The following SNX29 variants were observed in gnomAD, a reference collection of about 807,000 sequenced individuals.
SNX29 encodes sorting nexin-29.
In SNX29, 78 loss-of-function variants were observed where a neutral mutation model predicts 102.1. The observed-to-expected ratio is 0.76, with a 90% confidence interval of 0.64 to 0.92. The LOEUF (loss-of-function observed/expected upper bound fraction) is 0.92. Among genes scored for constraint, SNX29 ranks in the 40% least tolerant of loss-of-function variants. The probability of loss-of-function intolerance (pLI) is 0.00; values close to 1 mark genes in which losing one functional copy is unlikely to be tolerated. For missense variants in SNX29, 1,280 were observed against 1,061.7 expected (o/e 1.21, Z -2.86); for synonymous variants, 580 against 414.5 (o/e 1.40, Z -4.85).
At chr16:12,463,975 A>G (rs768437518) in intron 18 of SNX29, among the ~76,000 whole-genome samples, 1 of 152,148 alleles carries the variant, frequency 6.6e-6, no homozygotes, top group Non-Finnish European at 1.5e-5. Flanking sequence ...AGAGAAAGTT[A>G]TAAGATGTAC....
intron 14 of SNX29, among the ~76,000 whole-genome samples, chr16:12,223,062 C>T (rs1596549467): frequency 6.6e-6 from 1 of 152,212 alleles, no homozygotes; most frequent in African/African-American, 2.4e-5. Context: ...CCTTTTGACA[C>T]TAGTGATCTG....
intron 15 of SNX29, among the ~76,000 whole-genome samples, chr16:12,279,815 C>T (rs1567391400): frequency 6.6e-6 from 1 of 152,184 alleles, no homozygotes. Context: ...TGAATGAAGG[C>T]CTGATGAGCT....
chr16:12,421,203 CAAG>C (rs2084859143), intron 18 of SNX29, among the ~76,000 whole-genome samples: 1 of 152,156 alleles, frequency 6.6e-6, no homozygotes, highest in African/African-American at 2.4e-5. Flanking sequence ...ACTGAGAAGC[CAAG>C]CCAGCAGCCA....
chr16:12,408,171 AACAAAC>A (rs1178871689), intron 18 of SNX29, among the ~76,000 whole-genome samples: 34 of 150,272 alleles, frequency 2.3e-4, no homozygotes, highest in African/African-American at 7.3e-4. Flanking sequence ...AAAACAAACA[AACAAAC>A]AAAAAAAAAA....
chr16:12,498,748 G>A (rs2088956429), intron 19 of SNX29, among the ~76,000 whole-genome samples: 1 of 152,198 alleles, frequency 6.6e-6, no homozygotes, highest in Non-Finnish European at 1.5e-5. Flanking sequence ...GTCATAGGAG[G>A]CATTAACTTA....
Position 12,568,542 on chromosome 16 carries a change from G to T in SNX29, c.2355G>T (p.Arg785=). ...CGCCCGGAGAGCCTGTGAACAGCCG[G>T]CCCAAAGCAGCTTCCCGCTTCCCCA... ...ITPPGEPVNS[R]PKAASRFPKL... is the part of the protein sequence containing the mutation. Residue 785 remains arginine, a synonymous_variant, in exon 21 of 21, where the codon CGG becomes CGT. Transcript: ENST00000566228. The T allele has an allele frequency of 1.2e-6, 2 of 1,609,496 alleles. No homozygotes were observed.
intron 20 of SNX29, among the ~76,000 whole-genome samples, chr16:12,562,970 G>A (rs1039143960): frequency 1.7e-5 from 2 of 117,694 alleles, no homozygotes; most frequent in African/African-American, 3.7e-5. Context: ...AACACAAGGG[G>A]TGAGGGCTGA....
intron 16 of SNX29, chr16:12,374,285 C>T (rs1009499074): frequency 3.3e-5 from 3 of 91,538 alleles, no homozygotes; most frequent in Non-Finnish European, 7.2e-5. Context: ...CTCACACAGT[C>T]TGCAGCCTGG....
In SNX29 at chr16:12,568,814, T is replaced by C. The variant is rs2079121576; in HGVS notation, c.*185T>C. 1 of 957,728 alleles carries C rather than the reference T, an allele frequency of 1.0e-6. No homozygotes were observed. Among genetic ancestry groups the C allele is most frequent in the East Asian group, 2.7e-5 (1 of 37,102 alleles). The allele number at this position is 957,728 out of a possible 1,614,324, so 59.3% of individuals were successfully genotyped here. A position where few individuals can be genotyped will look rare whatever the true frequency, so the allele number is the denominator to read the frequency against. ...TCAGTCTTCGAGCCGCATGATACCG[T>C]GACCCGAGAGACCAAGGCAGCACCT... On this transcript the variant is annotated 3_prime_UTR_variant, in exon 21 of 21. Transcript: ENST00000566228.
At chr16:12,039,886 T>C (rs1447171065) in intron 4 of SNX29, among the ~76,000 whole-genome samples, 1 of 152,216 alleles carries the variant, frequency 6.6e-6, no homozygotes, top group Admixed American at 6.5e-5. Flanking sequence ...GGCGATGGCC[T>C]TGGTTGTGAT....
intron 20 of SNX29, among the ~76,000 whole-genome samples, chr16:12,544,447 A>AC (rs1380725532): frequency 2.0e-5 from 3 of 151,710 alleles, no homozygotes; most frequent in Admixed American, 1.3e-4. Context: ...CTCTTTCTCT[A>AC]CCCTATCTCA....
intron 13 of SNX29, among the ~76,000 whole-genome samples, chr16:12,149,001 C>T (rs1416261122): frequency 6.6e-6 from 1 of 152,190 alleles, no homozygotes; most frequent in Non-Finnish European, 1.5e-5. Flanking sequence ...CACGCCCGGC[C>T]TGCCTTCGTC....
intron 15 of SNX29, among the ~76,000 whole-genome samples, chr16:12,353,423 G>A (rs1010194140): frequency 3.6e-5 from 5 of 140,142 alleles, no homozygotes; most frequent in African/African-American, 1.7e-4. Context: ...TGCTAAGTGC[G>A]GCATCTCTTG....
chr16:12,054,219 G>C (rs917504958), intron 8 of SNX29, among the ~76,000 whole-genome samples: 5 of 152,230 alleles, frequency 3.3e-5, no homozygotes, highest in African/African-American at 9.6e-5. Context: ...GCCCGCCTTG[G>C]CCTCCCAAAG....
intron 11 of SNX29, among the ~76,000 whole-genome samples, chr16:12,107,339 T>G (rs79854258): frequency 7.0e-5 from 5 of 71,514 alleles, no homozygotes; most frequent in East Asian, 6.4e-4. Flanking sequence ...GCACTGTGGG[T>G]TTTTTTTTTT....
At chr16:12,300,177 A>G (rs555113139) in intron 15 of SNX29, among the ~76,000 whole-genome samples, 1 of 152,272 alleles carries the variant, frequency 6.6e-6, no homozygotes, top group African/African-American at 2.4e-5. Flanking sequence ...TGGCCGGGAT[A>G]AATACAATTT....
rs192835303 is a variant in SNX29, at chr16:12,178,611, T to C, written c.1596-20990T>C. ...TCGCTTGATAGGCCTTCTGACTTTT[T>C]GTATAGGAGATCAGAGATGAGTCAA... On this transcript the variant is annotated intron_variant, in intron 13 of 20. Transcript: ENST00000566228. 1.4e-4 allele frequency among the ~76,000 whole-genome samples: 21 copies of C among 152,332 alleles called. No homozygotes were observed. The East Asian group carries it at 3.5e-3, about 25-fold the overall frequency.
chr16:12,293,132 C>T (rs893886522), intron 15 of SNX29, among the ~76,000 whole-genome samples: 6 of 152,246 alleles, frequency 3.9e-5, no homozygotes, highest in African/African-American at 1.2e-4. Flanking sequence ...CAAAGAGATG[C>T]GGTCTTGCTA....
chr16:12,201,203 C>G (rs1320457021), intron 14 of SNX29, among the ~76,000 whole-genome samples: 1 of 152,114 alleles, frequency 6.6e-6, no homozygotes, highest in Non-Finnish European at 1.5e-5. Context: ...TCTCTGTGGC[C>G]TCATGCCCTT....
Sources: gnomAD v4.1 joint callset for allele counts (sites outside exome capture counted in the v4.1 genomes callset) on GRCh38, gnomAD v4.1.1 for gene constraint, MANE v1.5 for transcripts, NCBI Gene and HGNC (gene_info 2026-07-23, HGNC 2026-07-21) for gene names.